PBX1: variants seen among roughly 807,000 people sequenced by gnomAD.
PBX1 encodes the protein PBX homeobox 1.
A neutral mutation model predicts 53.4 loss-of-function variants in PBX1; 6 were observed. The observed-to-expected ratio is 0.11, with a 90% CI of 0.06 to 0.22. PBX1 has a LOEUF of 0.22. Ranked by LOEUF, PBX1 falls within the 10% of genes least tolerant of loss-of-function variation. The pLI, the probability that PBX1 is intolerant of heterozygous loss-of-function variation, is 1.00. For synonymous variants in PBX1, 204 were observed against 212.3 expected (o/e 0.96, Z 0.34); for missense variants, 251 against 551.4 (o/e 0.46, Z 5.46).
chr1:164,740,389 A>G (rs1252118071), intron 2 of PBX1, among the ~76,000 whole-genome samples: 1 of 152,164 alleles, frequency 6.6e-6, no homozygotes, highest in African/African-American at 2.4e-5. Flanking sequence ...GAAAAGACTC[A>G]GTTCTGTCTT....
At position 164,618,300 on chromosome 1, in the gene PBX1, G is replaced by A. The variant is rs1015870931; in HGVS notation, c.265+54989G>A. 9.1e-4 allele frequency among the ~76,000 whole-genome samples: 40 copies of A among 43,754 alleles called. No individual in the cohort carries two copies. The East Asian group carries it at 0.026, about 28-fold the overall frequency. 28.7% of individuals were successfully genotyped at this position (43,754 alleles called of 152,430 possible). On this transcript the variant is annotated intron_variant, in intron 2 of 8. Coordinates refer to ENST00000420696, the MANE Select transcript of PBX1 (RefSeq NM_002585.4). ...ACCCCAGGGAGAATAATCACGGCGG[G>A]GGGGGGGGGGCACTCAAGATGATCA...
chr1:164,710,842 A>G (rs1571265187), intron 2 of PBX1, among the ~76,000 whole-genome samples: 1 of 152,246 alleles, frequency 6.6e-6, no homozygotes, highest in African/African-American at 2.4e-5. Flanking sequence ...ATATTGTGAA[A>G]CATGAATATT....
At chr1:164,681,592 T>G (rs909802123) in intron 2 of PBX1, among the ~76,000 whole-genome samples, 3 of 152,208 alleles carry the variant, frequency 2.0e-5, no homozygotes, top group Non-Finnish European at 2.9e-5. Context: ...CAGTAACCTG[T>G]TGAAGCCAGA....
chr1:164,673,573 C>T (rs1400079135), intron 2 of PBX1, among the ~76,000 whole-genome samples: 3 of 149,326 alleles, frequency 2.0e-5, no homozygotes, highest in East Asian at 2.0e-4. Context: ...CGGCTTCAAG[C>T]GATTCTCCTG....
intron 2 of PBX1, among the ~76,000 whole-genome samples, chr1:164,657,840 G>A (rs1324503452): frequency 6.6e-6 from 1 of 152,176 alleles, no homozygotes; most frequent in Admixed American, 6.5e-5. Context: ...TACAGTTTAA[G>A]CCCATGCAAC....
intron 2 of PBX1, among the ~76,000 whole-genome samples, chr1:164,775,916 T>C (rs1161218352): frequency 2.0e-5 from 3 of 152,158 alleles, no homozygotes; most frequent in African/African-American, 7.2e-5. Flanking sequence ...AGTAAGGAAA[T>C]AAGGATGAAT....
chr1:164,729,281 ACC>A (rs1664858192), intron 2 of PBX1, among the ~76,000 whole-genome samples: 1 of 152,168 alleles, frequency 6.6e-6, no homozygotes, highest in African/African-American at 2.4e-5. Flanking sequence ...CTAAATGATA[ACC>A]TATTGAGAGA....
intron 2 of PBX1, among the ~76,000 whole-genome samples, chr1:164,861,486 A>C (rs1454306593): frequency 6.6e-6 from 1 of 152,122 alleles, no homozygotes; most frequent in Non-Finnish European, 1.5e-5. Context: ...CACTTAGCAA[A>C]TATTGAACAA....
At chr1:164,665,584 G>A (rs1660756262) in intron 2 of PBX1, among the ~76,000 whole-genome samples, 1 of 152,150 alleles carries the variant, frequency 6.6e-6, no homozygotes, top group Non-Finnish European at 1.5e-5. Context: ...ACTGAACCCA[G>A]CCTAATTTTT....
chr1:164,610,764 A>G (rs1194003298), intron 2 of PBX1, among the ~76,000 whole-genome samples: 1 of 152,200 alleles, frequency 6.6e-6, no homozygotes, highest in Non-Finnish European at 1.5e-5. Context: ...CCTCCTGCCA[A>G]AAGTATCTAC....
At chr1:164,834,618 T>A (rs1416439186) in intron 8 of PBX1, among the ~76,000 whole-genome samples, 1 of 152,176 alleles carries the variant, frequency 6.6e-6, no homozygotes, top group Non-Finnish European at 1.5e-5. Flanking sequence ...GTGGTGGGAT[T>A]ACAGGCGTGA....
At chr1:164,620,873 G>A (rs1657626467) in intron 2 of PBX1, among the ~76,000 whole-genome samples, 1 of 152,086 alleles carries the variant, frequency 6.6e-6, no homozygotes, top group Non-Finnish European at 1.5e-5. Flanking sequence ...ATTAGAAACA[G>A]GGTTTCACTG....
intron 2 of PBX1, among the ~76,000 whole-genome samples, chr1:164,635,851 G>A (rs1401406241): frequency 6.6e-6 from 1 of 152,198 alleles, no homozygotes; most frequent in African/African-American, 2.4e-5. Context: ...GCTTCAAATA[G>A]ATTCCCTTCT....
At chr1:164,838,799 A>G (rs143452784) in intron 8 of PBX1, among the ~76,000 whole-genome samples, 94 of 152,290 alleles carry the variant, frequency 6.2e-4, no homozygotes, top group African/African-American at 2.1e-3. Flanking sequence ...CAGCCAAGCC[A>G]TCCAGTATTC....
At chr1:164,709,572 A>T (rs1663635381) in intron 2 of PBX1, among the ~76,000 whole-genome samples, 1 of 152,144 alleles carries the variant, frequency 6.6e-6, no homozygotes. Flanking sequence ...GTTTAAGACC[A>T]CCAAGACATT....
At chr1:164,690,198 A>G (rs2291488) in intron 2 of PBX1, among the ~76,000 whole-genome samples, 1 of 151,990 alleles carries the variant, frequency 6.6e-6, no homozygotes, top group Non-Finnish European at 1.5e-5. Flanking sequence ...GATTTTCATT[A>G]TCTCTGCCAC....
At position 164,761,366 on chromosome 1, in the gene PBX1, C is replaced by T. The variant is rs542750122; in HGVS notation, c.266-31128C>T. On this transcript the variant is annotated intron_variant, in intron 2 of 8. Coordinates refer to ENST00000420696, the MANE Select transcript of PBX1 (RefSeq NM_002585.4). The stretch of plus-strand genomic sequence containing the variant: ...GTGTGGAGGAGGGTGTGTGTACACA[C>T]ATGCCAAAAGGCTTTGGGTTTGGTA... Among the ~76,000 whole-genome samples the T allele has an allele frequency of 2.6e-5, 4 of 152,254 alleles. No homozygotes were observed. In the East Asian group the frequency reaches 7.7e-4, roughly 29 times the overall value.
chr1:164,659,525 TTGAG>T (rs940845616), intron 2 of PBX1, among the ~76,000 whole-genome samples: 36 of 152,322 alleles, frequency 2.4e-4, no homozygotes, highest in African/African-American at 8.2e-4. Context: ...GTGGAGTTCT[TTGAG>T]TGAGCAAGGG....
Position 164,687,561 on chromosome 1 carries a change from TAAA to T in PBX1, c.266-104913_266-104911del, listed in dbSNP as rs5778407. Among the ~76,000 whole-genome samples the T allele has an allele frequency of 2.0e-3, 225 of 110,474 alleles. 3 individuals are homozygous for T. The East Asian group carries it at 0.022, about 11-fold the overall frequency. The allele number at this position is 110,474 out of a possible 152,430, so 72.5% of individuals were successfully genotyped here. ...CTGGGTGATAAAGTGAGACCTTGTC[TAAA>T]AAAAAAAAAAAAAAAAAAAGGAAAT... On this transcript the variant is annotated intron_variant, in intron 2 of 8. Coordinates refer to ENST00000420696, the MANE Select transcript of PBX1 (RefSeq NM_002585.4).
Sources: allele counts gnomAD v4.1 joint callset (sites outside exome capture counted in the v4.1 genomes callset), GRCh38; gene constraint gnomAD v4.1.1; transcripts MANE v1.5; gene names NCBI Gene and HGNC (gene_info 2026-07-23, HGNC 2026-07-21).